SH3RF3: variants seen among roughly 807,000 people sequenced by gnomAD.
SH3RF3 encodes the protein E3 ubiquitin-protein ligase SH3RF3.
Under a neutral mutation model 66.3 loss-of-function variants are expected in SH3RF3, and 29 were observed. That is an observed-to-expected ratio of 0.44 (90% CI 0.33 to 0.60). The LOEUF (loss-of-function observed/expected upper bound fraction) is 0.60, where lower values mean the gene tolerates loss of function less well. Ranked by LOEUF, SH3RF3 falls within the 20% of genes least tolerant of loss-of-function variation. SH3RF3 has a pLI of 0.04. For synonymous variants in SH3RF3, 583 were observed against 532.0 expected (o/e 1.10, Z -1.32); for missense variants, 1,194 against 1,190.9 (o/e 1.00, Z -0.04).
At chr2:109,428,680 A>G (rs6542824) in intron 5 of SH3RF3, among the ~76,000 whole-genome samples, 74,022 of 152,094 alleles carry the variant, frequency 0.49, 18,185 homozygotes, top group Admixed American at 0.52. Flanking sequence ...CTAAAATCCC[A>G]TGATTGCCTT....
intron 1 of SH3RF3, among the ~76,000 whole-genome samples, chr2:109,332,798 G>A (rs1224095039): frequency 6.6e-6 from 1 of 152,196 alleles, no homozygotes; most frequent in Non-Finnish European, 1.5e-5. Context: ...GTGAGAAATA[G>A]GACTCGGAAT....
chr2:109,441,205 G>A (rs991025183), intron 7 of SH3RF3, among the ~76,000 whole-genome samples: 1 of 150,430 alleles, frequency 6.6e-6, no homozygotes, highest in African/African-American at 2.5e-5. Flanking sequence ...AAATTATGAG[G>A]CATGCAAAGG....
chr2:109,488,603 TTTC>T (rs1430717501), intron 8 of SH3RF3, among the ~76,000 whole-genome samples: 4 of 151,984 alleles, frequency 2.6e-5, no homozygotes, highest in African/African-American at 9.7e-5. Flanking sequence ...CCCCTCACGG[TTTC>T]TTCTTTTCCT....
At chr2:109,175,223 C>T (rs1677888432) in intron 1 of SH3RF3, among the ~76,000 whole-genome samples, 1 of 152,138 alleles carries the variant, frequency 6.6e-6, no homozygotes, top group Non-Finnish European at 1.5e-5. Context: ...GTGCCATGGC[C>T]TGTGGTGCTT....
chr2:109,477,805 T>A (rs1678727363), intron 8 of SH3RF3, among the ~76,000 whole-genome samples: 1 of 152,094 alleles, frequency 6.6e-6, no homozygotes, highest in African/African-American at 2.4e-5. Context: ...GCAAGGGAGC[T>A]CTCACGACCC....
intron 1 of SH3RF3, among the ~76,000 whole-genome samples, chr2:109,182,044 A>G (rs570077899): frequency 6.6e-6 from 1 of 152,224 alleles, no homozygotes; most frequent in South Asian, 2.1e-4. Context: ...TGTGATAAAC[A>G]TATGTATGCC....
intron 1 of SH3RF3, among the ~76,000 whole-genome samples, chr2:109,271,924 C>T (rs1231226238): frequency 1.3e-5 from 2 of 152,240 alleles, no homozygotes; most frequent in African/African-American, 2.4e-5. Flanking sequence ...ACACTCACAG[C>T]CCTGGATCCT....
intron 8 of SH3RF3, among the ~76,000 whole-genome samples, chr2:109,483,459 C>A (rs1678885979): frequency 6.6e-6 from 1 of 152,190 alleles, no homozygotes; most frequent in African/African-American, 2.4e-5. Flanking sequence ...TTCTCTGAGC[C>A]AGGCCTCCCC....
intron 1 of SH3RF3, among the ~76,000 whole-genome samples, chr2:109,241,482 T>C (rs1261310055): frequency 1.3e-5 from 2 of 152,160 alleles, no homozygotes; most frequent in East Asian, 3.9e-4. Context: ...CTTTTGAAAT[T>C]TCCTACATAA....
chr2:109,343,215 T>C (rs1682597447), intron 1 of SH3RF3, among the ~76,000 whole-genome samples: 1 of 152,172 alleles, frequency 6.6e-6, no homozygotes, highest in Admixed American at 6.5e-5. Context: ...GCCCCTTCCA[T>C]GGACTAATTA....
intron 9 of SH3RF3, among the ~76,000 whole-genome samples, chr2:109,493,156 CAT>C (rs1287490727): frequency 7.3e-6 from 1 of 136,340 alleles, no homozygotes; most frequent in Non-Finnish European, 1.6e-5. Flanking sequence ...ATACAAAACA[CAT>C]ACACCACACA....
intron 1 of SH3RF3, among the ~76,000 whole-genome samples, chr2:109,308,083 T>A (rs1248976185): frequency 6.8e-6 from 1 of 146,640 alleles, no homozygotes; most frequent in Admixed American, 6.7e-5. Context: ...CTCCAGCACC[T>A]GTTGTTTCCT....
chr2:109,149,418 T>C (rs1034489615), intron 1 of SH3RF3, among the ~76,000 whole-genome samples: 4 of 152,252 alleles, frequency 2.6e-5, no homozygotes, highest in Non-Finnish European at 4.4e-5. Flanking sequence ...ACATTGACAG[T>C]CATTTGCACT....
intron 1 of SH3RF3, chr2:109,141,732 C>G (rs1440279305): frequency 6.5e-6 from 1 of 154,312 alleles, no homozygotes; most frequent in African/African-American, 2.4e-5. Context: ...TAGTCATTTT[C>G]TAGACCCCGG....
intron 1 of SH3RF3, among the ~76,000 whole-genome samples, chr2:109,282,460 A>G (rs769230384): frequency 1.3e-5 from 2 of 152,160 alleles, no homozygotes; most frequent in Admixed American, 6.5e-5. Context: ...CTGCCAGGTC[A>G]TGAGCACTGC....
chr2:109,151,836 A>C (rs1677231656), intron 1 of SH3RF3, among the ~76,000 whole-genome samples: 1 of 152,254 alleles, frequency 6.6e-6, no homozygotes, highest in African/African-American at 2.4e-5. Context: ...GTTTATAGGC[A>C]ACAATATGAC....
At chr2:109,256,403 C>A (rs953598998) in intron 1 of SH3RF3, among the ~76,000 whole-genome samples, 2 of 152,156 alleles carry the variant, frequency 1.3e-5, no homozygotes, top group African/African-American at 2.4e-5. Flanking sequence ...GCGATGTCCT[C>A]CCCTGCAAGG....
At chr2:109,251,459 T>G in intron 1 of SH3RF3, 3 of 729,312 alleles carry the variant, frequency 4.1e-6, no homozygotes, top group South Asian at 2.7e-5. Flanking sequence ...AAAAAATCTA[T>G]GGACAAGAAG....
intron 1 of SH3RF3, among the ~76,000 whole-genome samples, chr2:109,266,559 C>T (rs1313914655): frequency 2.0e-5 from 3 of 152,148 alleles, no homozygotes; most frequent in African/African-American, 7.2e-5. Context: ...CCACTGGTGA[C>T]ACCAGGGACG....
Sources: gnomAD v4.1 joint callset for allele counts (sites outside exome capture counted in the v4.1 genomes callset) on GRCh38, gnomAD v4.1.1 for gene constraint, MANE v1.5 for transcripts, NCBI Gene and HGNC (gene_info 2026-07-23, HGNC 2026-07-21) for gene names.